The following DOCK2 variants were observed in gnomAD, a reference collection of about 807,000 sequenced individuals.
DOCK2 encodes dedicator of cytokinesis protein 2.
A neutral mutation model predicts 248.9 loss-of-function variants in DOCK2; 87 were observed. The ratio of observed to expected loss-of-function variants is 0.35; its 90% confidence interval spans 0.29 to 0.42. The LOEUF is 0.42. DOCK2 is among the 10% of genes least tolerant of loss of function. The pLI is 1.00. For synonymous variants in DOCK2, 805 were observed against 821.6 expected, an observed-to-expected ratio of 0.98 and a Z score of 0.35; for missense variants, 1,747 against 2,300.2, an observed-to-expected ratio of 0.76 and a Z score of 4.92.
intron 26 of DOCK2, among the ~76,000 whole-genome samples, chr5:169,839,023 C>T (rs936169159): frequency 7.9e-5 from 12 of 152,288 alleles, no homozygotes; most frequent in Admixed American, 2.0e-4. Context: ...AGTGACAAAA[C>T]CACACTTAAG....
At chr5:170,052,931 A>G (rs1380680237) in intron 41 of DOCK2, among the ~76,000 whole-genome samples, 1 of 152,252 alleles carries the variant, frequency 6.6e-6, no homozygotes, top group Non-Finnish European at 1.5e-5. Context: ...TTTTGACAAA[A>G]CATTGAGTTC....
At chr5:169,935,794 T>TA (rs749049258) in intron 27 of DOCK2, among the ~76,000 whole-genome samples, 1 of 152,146 alleles carries the variant, frequency 6.6e-6, no homozygotes, top group Non-Finnish European at 1.5e-5. Flanking sequence ...TGTAAAAATA[T>TA]AAAAAATCAG....
At chr5:169,832,987 A>G (rs943465433) in intron 26 of DOCK2, among the ~76,000 whole-genome samples, 1 of 152,210 alleles carries the variant, frequency 6.6e-6, no homozygotes, top group Non-Finnish European at 1.5e-5. Context: ...CACAGGGCCA[A>G]GGCTGCCTGT....
At chr5:169,894,512 C>T (rs1016787437) in intron 27 of DOCK2, among the ~76,000 whole-genome samples, 2 of 152,184 alleles carry the variant, frequency 1.3e-5, no homozygotes, top group African/African-American at 2.4e-5. Context: ...TGAAGGTTTT[C>T]CCACTTCTGG....
intron 27 of DOCK2, among the ~76,000 whole-genome samples, chr5:169,982,232 G>A (rs1486274081): frequency 1.3e-5 from 2 of 152,124 alleles, no homozygotes; most frequent in East Asian, 1.9e-4. Flanking sequence ...TGGTGGATTC[G>A]TGGCTAGTGC....
intron 10 of DOCK2, among the ~76,000 whole-genome samples, chr5:169,697,240 C>T (rs4867570): frequency 0.17 from 25,990 of 152,132 alleles, 3,193 homozygotes; most frequent in African/African-American, 0.35. Flanking sequence ...TTCTTGCTCC[C>T]ATGTCCTCAT....
intron 25 of DOCK2, among the ~76,000 whole-genome samples, chr5:169,772,452 C>T (rs1336163353): frequency 1.3e-5 from 2 of 152,156 alleles, no homozygotes; most frequent in Non-Finnish European, 2.9e-5. Flanking sequence ...ATAGTAAAAA[C>T]AACATCAGCA....
intron 30 of DOCK2, among the ~76,000 whole-genome samples, chr5:170,003,979 TAAG>T (rs150843142): frequency 0.016 from 2,417 of 152,214 alleles, 66 homozygotes; most frequent in African/African-American, 0.054. Flanking sequence ...TCTGATCCAC[TAAG>T]AAGATGAGGC....
intron 22 of DOCK2, among the ~76,000 whole-genome samples, chr5:169,727,186 C>T (rs911918237): frequency 2.0e-5 from 3 of 152,210 alleles, no homozygotes; most frequent in African/African-American, 7.2e-5. Flanking sequence ...ACTCCTGCTT[C>T]TCTTCAGTAT....
chr5:169,795,456 G>A (rs867628681), intron 25 of DOCK2, among the ~76,000 whole-genome samples: 2 of 152,168 alleles, frequency 1.3e-5, no homozygotes, highest in Non-Finnish European at 2.9e-5. Flanking sequence ...TCTGGGTGTT[G>A]TAATGAGGCA....
rs1004627362 is a variant in DOCK2, at chr5:169,763,014, A to T, written c.2554+1389A>T. On this transcript the variant is annotated intron_variant, in intron 25 of 51. Transcript: ENST00000520908. This position sits in a 1 kb window ranked among gnomAD's most constrained non-coding sequence, Gnocchi z 4.1. The stretch of plus-strand genomic sequence containing the variant: ...CCCCAGAGTTAAGGGTAGGAGGAGG[A>T]TGTGGGGATGAAAATGTTCTTGTGA... Among the ~76,000 whole-genome samples, 1 of 152,278 alleles carries T rather than the reference A, an allele frequency of 6.6e-6. No individual in the cohort carries two copies. Among genetic ancestry groups the T allele is most frequent in the Middle Eastern group, 3.4e-3 (1 of 294 alleles).
At chr5:169,852,070 G>A (rs1770647447) in intron 27 of DOCK2, among the ~76,000 whole-genome samples, 1 of 152,152 alleles carries the variant, frequency 6.6e-6, no homozygotes, top group Non-Finnish European at 1.5e-5. Flanking sequence ...GCAGCTGTCA[G>A]CACAGAGAGA....
At chr5:169,792,137 G>C (rs949342746) in intron 25 of DOCK2, among the ~76,000 whole-genome samples, 1 of 152,188 alleles carries the variant, frequency 6.6e-6, no homozygotes, top group African/African-American at 2.4e-5. Context: ...GGTCAGGGAT[G>C]ATAGCCCTGG....
chr5:169,909,619 A>G (rs261004), intron 27 of DOCK2, among the ~76,000 whole-genome samples: 64,167 of 151,986 alleles, frequency 0.42, 14,855 homozygotes, highest in African/African-American at 0.62. Flanking sequence ...ACCAACATAC[A>G]TATCTTCTAA....
chr5:169,731,291 C>T (rs1762754385), intron 22 of DOCK2, among the ~76,000 whole-genome samples: 1 of 152,150 alleles, frequency 6.6e-6, no homozygotes, highest in South Asian at 2.1e-4. Flanking sequence ...CTGGGAGGAG[C>T]CCTATGGGAG....
At chr5:169,679,189 G>A (rs951800186) in intron 6 of DOCK2, among the ~76,000 whole-genome samples, 10 of 152,164 alleles carry the variant, frequency 6.6e-5, no homozygotes, top group Non-Finnish European at 1.0e-4. Flanking sequence ...ACAGGTGCGT[G>A]CCACCATGCC....
intron 27 of DOCK2, among the ~76,000 whole-genome samples, chr5:169,919,572 G>A (rs1489431677): frequency 6.6e-6 from 1 of 152,190 alleles, no homozygotes; most frequent in Non-Finnish European, 1.5e-5. Context: ...ACATTAAACT[G>A]ATCATTAATG....
At chr5:169,722,447 A>G (rs17071622) in intron 22 of DOCK2, among the ~76,000 whole-genome samples, 2,596 of 152,332 alleles carry the variant, frequency 0.017, 73 homozygotes, top group African/African-American at 0.059. Context: ...TGCTCCTCAC[A>G]GATCCTCATG....
chr5:169,728,011 G>A (rs941317923), intron 22 of DOCK2, among the ~76,000 whole-genome samples: 1 of 152,172 alleles, frequency 6.6e-6, no homozygotes, highest in Admixed American at 6.5e-5. Context: ...TTGAACTAAG[G>A]TAGTGACGGT....
Sources: gnomAD v4.1 joint callset for allele counts (sites outside exome capture counted in the v4.1 genomes callset) on GRCh38, gnomAD v4.1.1 for gene constraint, Gnocchi (gnomAD v3.1) non-coding constraint, MANE v1.5 for transcripts, NCBI Gene and HGNC (gene_info 2026-07-23, HGNC 2026-07-21) for gene names.